Variants in SEM1 observed in about 807,000 individuals in gnomAD.
SEM1 encodes SEM1 26S proteasome subunit, also known as 26S proteasome complex subunit SEM1.
A neutral mutation model predicts 12.7 loss-of-function variants in SEM1; 3 were observed. The observed-to-expected ratio is 0.24, with a 90% CI of 0.11 to 0.61. SEM1 has a LOEUF of 0.61. Ranked by LOEUF, SEM1 falls within the 20% of genes least tolerant of loss-of-function variation. The pLI is 0.88. For missense variants in SEM1, 59 were observed against 81.3 expected (o/e 0.73, Z 1.06); for synonymous variants, 30 against 27.8 (o/e 1.08, Z -0.25).
downstream of SEM1, among the ~76,000 whole-genome samples, chr7:96,686,258 T>A (rs143944456): frequency 4.1e-4 from 63 of 152,298 alleles, no homozygotes; most frequent in African/African-American, 1.5e-3. Context: ...ACTTCAGATG[T>A]GTTTTTATCA....
rs977978657 is a variant in SEM1 at position 96,640,707 on chromosome 7, A to G, written c.171-18064T>C. On this transcript the variant is annotated intron_variant, in intron 2 of 2. Transcript: ENST00000417009. The surrounding 1 kb of genome is among the most constrained non-coding windows in gnomAD (Gnocchi z 4.0). ...TGTAGGGCACCAGGAGTGAACCCTA[A>G]TGGAAACTATGAGCTTTGGATGATG... Among the ~76,000 whole-genome samples the G allele has an allele frequency of 6.6e-6, 1 of 151,972 alleles. No individual in the cohort carries two copies. The highest frequency in any genetic ancestry group is 6.6e-5 in the Admixed American group (1 of 15,220).
At chr7:96,703,855 G>A (rs185636473) in intron 1 of SEM1, among the ~76,000 whole-genome samples, 228 of 152,076 alleles carry the variant, frequency 1.5e-3, no homozygotes, top group African/African-American at 5.3e-3. Context: ...GGCTGATAGG[G>A]AGGCTGAGAC....
At chr7:96,555,135 T>C (rs1261538417) in intron 2 of SEM1, among the ~76,000 whole-genome samples, 5 of 139,690 alleles carry the variant, frequency 3.6e-5, no homozygotes, top group Admixed American at 1.5e-4. Flanking sequence ...TTGTTGATCC[T>C]TTCAAAAAAC....
intron 2 of SEM1, chr7:96,650,266 G>C (rs1808930874): frequency 2.2e-6 from 1 of 449,302 alleles, no homozygotes; most frequent in Non-Finnish European, 3.9e-6. Flanking sequence ...ACAAACTATG[G>C]GAAATTCCGC....
chr7:96,566,402 TTTA>T (rs1805844214), intron 2 of SEM1, among the ~76,000 whole-genome samples: 2 of 151,628 alleles, frequency 1.3e-5, no homozygotes, highest in Admixed American at 1.3e-4. Context: ...CTTCATTTCA[TTTA>T]ATTGAACTTT....
intron 2 of SEM1, among the ~76,000 whole-genome samples, chr7:96,586,344 T>C (rs530663521): frequency 6.6e-6 from 1 of 152,162 alleles, no homozygotes; most frequent in Admixed American, 6.5e-5. Context: ...AGGCTGTACA[T>C]GTCCCAGCAA....
chr7:96,619,531 G>A (rs952383975), downstream of SEM1, among the ~76,000 whole-genome samples: 7 of 152,060 alleles, frequency 4.6e-5, no homozygotes, highest in Non-Finnish European at 8.8e-5. Flanking sequence ...AGTTGACACT[G>A]GCACCATGTT....
At chr7:96,607,725 C>T (rs936777821) in intron 2 of SEM1, among the ~76,000 whole-genome samples, 6 of 152,170 alleles carry the variant, frequency 3.9e-5, no homozygotes, top group Non-Finnish European at 7.3e-5. Flanking sequence ...GTCACTTTTG[C>T]CCATTCCCTA....
intron 2 of SEM1, among the ~76,000 whole-genome samples, chr7:96,615,382 A>T (rs1807683379): frequency 6.6e-6 from 1 of 151,748 alleles, no homozygotes; most frequent in African/African-American, 2.4e-5. Context: ...CCTCCTGAGT[A>T]ATCCTGGGAT....
rs35778935 is a variant in SEM1 at position 96,610,104 on chromosome 7, GTT to G, written c.170+84692_170+84693del. Among the ~76,000 whole-genome samples the G allele has an allele frequency of 3.5e-3, 512 of 145,528 alleles. 3 individuals carry two copies. The highest frequency in any genetic ancestry group is 0.012 in the African/African-American group (475 of 39,930). ...AACCATAAGTTATAAATTCCAGCAG[GTT>G]TTTTTTTTTTTTGAGACAGTTTTGC... is the stretch of plus-strand genomic sequence containing the variant. On this transcript the variant is annotated intron_variant and NMD_transcript_variant, in intron 2 of 3. Coordinates refer to the SEM1 transcript ENST00000466986.
At chr7:96,653,149 A>T (rs377527697) in intron 2 of SEM1, among the ~76,000 whole-genome samples, 1 of 152,226 alleles carries the variant, frequency 6.6e-6, no homozygotes, top group African/African-American at 2.4e-5. Flanking sequence ...GTAAATGGTA[A>T]GGCCATGATT....
At chr7:96,542,247 T>C (rs2115789022) in intron 2 of SEM1, among the ~76,000 whole-genome samples, 1 of 152,086 alleles carries the variant, frequency 6.6e-6, no homozygotes, top group Admixed American at 6.6e-5. Context: ...GGAATATTTT[T>C]CCATTTATTT....
downstream of SEM1, among the ~76,000 whole-genome samples, chr7:96,684,339 T>C (rs977621098): frequency 5.9e-5 from 9 of 152,080 alleles, no homozygotes; most frequent in African/African-American, 2.2e-4. Context: ...CAATCACTTG[T>C]ACGGGGCACG....
intron 2 of SEM1, among the ~76,000 whole-genome samples, chr7:96,524,667 AATT>A (rs1252099555): frequency 8.5e-5 from 13 of 152,126 alleles, no homozygotes; most frequent in Admixed American, 5.9e-4. Context: ...TATATTAAAA[AATT>A]ATTATTTCAT....
chr7:96,683,306 G>C (rs913147629), intron 2 of SEM1, among the ~76,000 whole-genome samples: 15 of 152,110 alleles, frequency 9.9e-5, no homozygotes, highest in African/African-American at 3.4e-4. Flanking sequence ...CTAGTCATTA[G>C]AGAAATGTAA....
At chr7:96,677,359 T>A (rs1282015278) in intron 2 of SEM1, among the ~76,000 whole-genome samples, 4 of 152,304 alleles carry the variant, frequency 2.6e-5, no homozygotes, top group Admixed American at 6.5e-5. Context: ...CTTGGTACAG[T>A]GACTTAGGTT....
intron 2 of SEM1, among the ~76,000 whole-genome samples, chr7:96,575,222 C>T (rs958644121): frequency 1.3e-5 from 2 of 152,156 alleles, no homozygotes; most frequent in African/African-American, 2.4e-5. Flanking sequence ...CAGTCAGGCC[C>T]CTCTGCTGTA....
chr7:96,665,195 C>G (rs749049934), intron 2 of SEM1, among the ~76,000 whole-genome samples: 10 of 152,126 alleles, frequency 6.6e-5, no homozygotes, highest in Non-Finnish European at 1.3e-4. Flanking sequence ...CAGCCCCTGA[C>G]CCAGCTCTCT....
At chr7:96,686,860 A>C (rs1789773026), downstream of SEM1, among the ~76,000 whole-genome samples, 3 of 152,354 alleles carry the variant, frequency 2.0e-5, no homozygotes, top group South Asian at 6.2e-4. Flanking sequence ...CAACCTACAG[A>C]ATGGGAGAAA....
Sources: gnomAD v4.1 joint callset for allele counts (sites outside exome capture counted in the v4.1 genomes callset) on GRCh38, gnomAD v4.1.1 for gene constraint, Gnocchi (gnomAD v3.1) non-coding constraint, MANE v1.5 for transcripts, NCBI Gene and HGNC (gene_info 2026-07-23, HGNC 2026-07-21) for gene names.